The following METAP1D variants were observed in gnomAD, a reference collection of about 807,000 sequenced individuals.
The protein encoded by METAP1D is methionyl aminopeptidase type 1D, mitochondrial, also known as methionine aminopeptidase 1D, mitochondrial.
A neutral mutation model predicts 40.5 loss-of-function variants in METAP1D; 31 were observed. The observed-to-expected ratio is 0.77, with a 90% confidence interval of 0.58 to 1.03. METAP1D has a LOEUF of 1.03. METAP1D is among the 50% of genes least tolerant of loss of function. The pLI is 0.00. For synonymous variants in METAP1D, 151 were observed against 146.4 expected (o/e 1.03, Z -0.22); for missense variants, 411 against 420.7 (o/e 0.98, Z 0.20).
intron 1 of METAP1D, among the ~76,000 whole-genome samples, chr2:172,021,571 C>A (rs1689009154): frequency 6.6e-6 from 1 of 152,164 alleles, no homozygotes; most frequent in Admixed American, 6.5e-5. Context: ...CTGTCAGTTC[C>A]TGTGGGGTGT....
intron 6 of METAP1D, among the ~76,000 whole-genome samples, chr2:172,076,255 A>G (rs995141291): frequency 1.3e-5 from 2 of 151,762 alleles, no homozygotes; most frequent in East Asian, 1.9e-4. Flanking sequence ...GTGTTCTTAG[A>G]ATCATTGAGG....
At chr2:172,040,746 C>CTT (rs782267064) in intron 1 of METAP1D, among the ~76,000 whole-genome samples, 49,220 of 116,982 alleles carry the variant, frequency 0.42, 11,847 homozygotes, top group African/African-American at 0.55. Context: ...TTCAGGCCCT[C>CTT]TTTTTTTTTT....
chr2:172,012,521 C>T (rs1027498438), intron 1 of METAP1D, among the ~76,000 whole-genome samples: 2 of 152,156 alleles, frequency 1.3e-5, no homozygotes, highest in African/African-American at 4.8e-5. Flanking sequence ...TGTCACTGGT[C>T]ACTTTTACCA....
In METAP1D at chr2:172,042,853, A is replaced by ATACGTGTGTGTG. The variant is rs1689626934; in HGVS notation, c.41-18643_41-18642insCGTGTGTGTGTA. On this transcript the variant is annotated intron_variant, in intron 1 of 9. Transcript: ENST00000315796. ...TGTACACATATACGTGTGTGTGTAT[A>ATACGTGTGTGTG]TATGTACATATATGTGTATGTGTGT... Among the ~76,000 whole-genome samples, 2 of 110,202 alleles carry ATACGTGTGTGTG rather than the reference A, an allele frequency of 1.8e-5. 1 individual carries two copies. The highest frequency in any genetic ancestry group is 6.1e-5 in the African/African-American group (2 of 32,958). The allele number at this position is 110,202 out of a possible 152,430, so 72.3% of individuals were successfully genotyped here. A position where few individuals can be genotyped will look rare whatever the true frequency, so the allele number is the denominator to read the frequency against.
intron 1 of METAP1D, among the ~76,000 whole-genome samples, chr2:172,043,599 T>A (rs59067642): frequency 7.5e-6 from 1 of 132,976 alleles, no homozygotes; most frequent in East Asian, 2.0e-4. Flanking sequence ...AAAAATTATT[T>A]TATTTATATT....
chr2:172,048,428 G>A (rs527517035), intron 1 of METAP1D, among the ~76,000 whole-genome samples: 9 of 152,252 alleles, frequency 5.9e-5, no homozygotes, highest in Admixed American at 2.6e-4. Context: ...TGTGAGGAAG[G>A]TATTATTATC....
chr2:172,079,329 C>A (rs1349151194), intron 8 of METAP1D, 67 bp downstream of exon 8: 5 of 1,476,184 alleles, frequency 3.4e-6, no homozygotes, highest in African/African-American at 2.8e-5. Flanking sequence ...CTGGCCTAGG[C>A]CCGGCAGTCC....
intron 1 of METAP1D, among the ~76,000 whole-genome samples, chr2:172,013,312 G>A (rs148515691): frequency 1.5e-4 from 23 of 152,284 alleles, no homozygotes; most frequent in African/African-American, 5.3e-4. Flanking sequence ...GCCACCTGGT[G>A]TCCTCATGCC....
In METAP1D at chr2:172,002,027, G is replaced by A. The variant is rs1688477150; in HGVS notation, c.40+2018G>A. On this transcript the variant is annotated intron_variant, in intron 1 of 9. Transcript: ENST00000315796. Reference sequence around the variant, plus strand: ...GGGAGGGATCGCCTGAACCCAGGAGGCGGAGGTTGTAGTGAGCTGAAAAAA... The same window carrying A: ...GGGAGGGATCGCCTGAACCCAGGAGACGGAGGTTGTAGTGAGCTGAAAAAA... 3.4e-5 allele frequency among the ~76,000 whole-genome samples: 5 copies of A among 146,630 alleles called. No individual in the cohort carries two copies. In the South Asian group the frequency reaches 1.1e-3, roughly 32 times the overall value.
chr2:172,079,590 G>A (rs1044404067), intron 8 of METAP1D, among the ~76,000 whole-genome samples: 12 of 152,098 alleles, frequency 7.9e-5, no homozygotes, highest in African/African-American at 2.9e-4. Context: ...TCAGCAAGTG[G>A]CATGTGCTCT....
At chr2:172,021,027 T>TA (rs974860622) in intron 1 of METAP1D, among the ~76,000 whole-genome samples, 1 of 152,038 alleles carries the variant, frequency 6.6e-6, no homozygotes, top group Admixed American at 6.5e-5. Context: ...TTACTACTAT[T>TA]AAAAAAAGCC....
chr2:172,064,204 C>T (rs560004501), intron 3 of METAP1D: 2 of 188,020 alleles, frequency 1.1e-5, no homozygotes, highest in Admixed American at 6.1e-5. Context: ...AGCTTTTACT[C>T]CCCACATTAT....
chr2:172,001,832 C>T (rs538249124), intron 1 of METAP1D, among the ~76,000 whole-genome samples: 4 of 152,134 alleles, frequency 2.6e-5, no homozygotes, highest in Admixed American at 2.6e-4. Context: ...GTGGCTAATG[C>T]CTGTAATATT....
intron 1 of METAP1D, among the ~76,000 whole-genome samples, chr2:172,004,416 C>G (rs1688533358): frequency 6.6e-6 from 1 of 151,840 alleles, no homozygotes; most frequent in Non-Finnish European, 1.5e-5. Flanking sequence ...CTCTGCCACC[C>G]AAATTCAAGT....
At chr2:172,012,768 G>A (rs551876043) in intron 1 of METAP1D, among the ~76,000 whole-genome samples, 3 of 152,120 alleles carry the variant, frequency 2.0e-5, no homozygotes, top group Non-Finnish European at 4.4e-5. Context: ...GATTCATACT[G>A]CTTATGCTTA....
At chr2:172,000,033 G>T in intron 1 of METAP1D, 24 bp downstream of exon 1, 2 of 1,303,966 alleles carry the variant, frequency 1.5e-6, no homozygotes, top group Non-Finnish European at 2.0e-6. Context: ...GGAGAGCCCC[G>T]TGAGGGTTCG....
Position 172,061,490 on chromosome 2 carries a change from G to C in METAP1D, c.41-8G>C. 1 of 1,606,250 alleles carries C rather than the reference G, an allele frequency of 6.2e-7. No homozygotes were observed. On this transcript the variant is annotated splice_region_variant and splice_polypyrimidine_tract_variant and intron_variant, in intron 1 of 9. Coordinates refer to ENST00000315796, the MANE Select transcript of METAP1D (RefSeq NM_199227.3). ...TTTTACTTAAAATATGTCTGTTTCT[G>C]CTCACAGGTTCTCATAGAATTTTCT...
chr2:172,052,873 C>A (rs2105461164), intron 1 of METAP1D, among the ~76,000 whole-genome samples: 1 of 152,224 alleles, frequency 6.6e-6, no homozygotes, highest in South Asian at 2.1e-4. Context: ...TTAGCTTTGC[C>A]CAATCAGTAT....
chr2:172,070,284 C>T (rs976330997), intron 5 of METAP1D, among the ~76,000 whole-genome samples: 1 of 152,140 alleles, frequency 6.6e-6, no homozygotes, highest in African/African-American at 2.4e-5. Flanking sequence ...TTTCTGTTAA[C>T]GTTCGGCTGT....
Sources: gnomAD v4.1 joint callset for allele counts (sites outside exome capture counted in the v4.1 genomes callset) on GRCh38, gnomAD v4.1.1 for gene constraint, MANE v1.5 for transcripts, NCBI Gene and HGNC (gene_info 2026-07-23, HGNC 2026-07-21) for gene names.